The following FBXO40 variants were observed in gnomAD, a reference collection of about 807,000 sequenced individuals.
FBXO40 encodes the protein F-box protein 40.
In FBXO40, 50 loss-of-function variants were observed where a neutral mutation model predicts 49.9. That is an observed-to-expected ratio of 1.00 (90% CI 0.80 to 1.27). The LOEUF (loss-of-function observed/expected upper bound fraction) is 1.27. Among genes scored for constraint, FBXO40 ranks in the 50% most tolerant of loss-of-function variants. FBXO40 has a pLI of 0.00. For synonymous variants in FBXO40, 340 were observed against 320.2 expected (o/e 1.06, Z -0.66); for missense variants, 895 against 870.1 (o/e 1.03, Z -0.36).
intron 3 of FBXO40, among the ~76,000 whole-genome samples, chr3:121,625,833 T>C (rs991374067): frequency 1.3e-5 from 2 of 152,170 alleles, no homozygotes; most frequent in African/African-American, 2.4e-5. Flanking sequence ...AAAAAACCAC[T>C]TTTCCTACAT....
intron 1 of FBXO40, among the ~76,000 whole-genome samples, chr3:121,615,988 GC>G (rs1225536807): frequency 6.6e-6 from 1 of 152,022 alleles, no homozygotes. Flanking sequence ...CTTCTCTAAG[GC>G]CCCACAGCCA....
intron 1 of FBXO40, among the ~76,000 whole-genome samples, chr3:121,596,936 G>A (rs1312471331): frequency 6.6e-6 from 1 of 152,140 alleles, no homozygotes; most frequent in African/African-American, 2.4e-5. Flanking sequence ...GAGTGCTGGG[G>A]GCAGTGTTTG....
rs149191160 is a variant in FBXO40 at position 121,622,620 on chromosome 3, G to C, written c.1191G>C (p.Lys397Asn). The C allele has an allele frequency of 4.2e-5, 68 of 1,614,152 alleles. No individual in the cohort carries two copies. Among genetic ancestry groups the C allele is most frequent in the Non-Finnish European group, 5.6e-5 (66 of 1,180,040 alleles). Residue 397 changes from lysine (K) to asparagine (N), a missense_variant, in exon 3 of 4, where the codon AAG (lysine) becomes AAC (asparagine). Transcript: ENST00000338040. The stretch of plus-strand genomic sequence containing the variant: ...ACCTGCCCAAATCAGATCTCATCAA[G>C]ACCACCCTCCAGTGTGCTTTGGAAA... The part of the protein sequence containing the change: ...VEDLPKSDLI[K>N]TTLQCALERE...
At chr3:121,625,931 G>A (rs2049059547) in intron 3 of FBXO40, among the ~76,000 whole-genome samples, 1 of 152,210 alleles carries the variant, frequency 6.6e-6, no homozygotes, top group African/African-American at 2.4e-5. Flanking sequence ...CTTGAAAACG[G>A]TGACTTTGCC....
At chr3:121,611,833 C>T (rs1321163000) in intron 1 of FBXO40, among the ~76,000 whole-genome samples, 1 of 152,216 alleles carries the variant, frequency 6.6e-6, no homozygotes, top group Non-Finnish European at 1.5e-5. Context: ...TAGAGAATGG[C>T]GATGACCTTT....
intron 1 of FBXO40, among the ~76,000 whole-genome samples, chr3:121,600,671 A>G (rs995881759): frequency 6.6e-6 from 1 of 152,216 alleles, no homozygotes; most frequent in Non-Finnish European, 1.5e-5. Context: ...AGTGTGATGT[A>G]GCAAAGAGTA....
At chr3:121,602,376 T>G (rs1245576410) in intron 1 of FBXO40, among the ~76,000 whole-genome samples, 1 of 152,200 alleles carries the variant, frequency 6.6e-6, no homozygotes, top group African/African-American at 2.4e-5. Context: ...TGTATTAAAC[T>G]TTCAGGACCC....
At position 121,627,042 on chromosome 3, in the gene FBXO40, C is replaced by A. The variant is rs1006061795; in HGVS notation, c.*132C>A. 1.3e-6 allele frequency: 1 copy of A among 763,752 alleles called. No individual in the cohort carries two copies. Among genetic ancestry groups the A allele is most frequent in the Non-Finnish European group, 2.1e-6 (1 of 467,378 alleles). 47.3% of individuals were successfully genotyped at this position (763,752 alleles called of 1,614,324 possible). A position where few individuals can be genotyped will look rare whatever the true frequency, so the allele number is the denominator to read the frequency against. The stretch of plus-strand genomic sequence containing the variant: ...GCTTATCGGGGTGTATTGGAACACG[C>A]AATGTCCTTCGAAACCTCAACACGA... On this transcript the variant is annotated 3_prime_UTR_variant, in exon 4 of 4. Transcript: ENST00000338040.
intron 3 of FBXO40, among the ~76,000 whole-genome samples, chr3:121,626,452 A>G (rs902482677): frequency 1.3e-5 from 2 of 152,168 alleles, no homozygotes; most frequent in Non-Finnish European, 2.9e-5. Context: ...GTGTGTGTCA[A>G]TATGCTGATT....
chr3:121,625,942 A>T (rs1277610189), intron 3 of FBXO40, among the ~76,000 whole-genome samples: 1 of 152,236 alleles, frequency 6.6e-6, no homozygotes, highest in Admixed American at 6.5e-5. Flanking sequence ...TGACTTTGCC[A>T]TCACATCCCA....
rs2049073864 is a variant in FBXO40 at position 121,628,234 on chromosome 3, T to A, written c.*1324T>A. On this transcript the variant is annotated 3_prime_UTR_variant, in exon 4 of 4. Transcript: ENST00000338040. ...TCTTGTTGCCCAGGCTGGAGCGCAA[T>A]GACATGATCTCGGCTCACCGCAACC... The A allele has an allele frequency of 4.9e-6, 1 of 205,980 alleles. No homozygotes were observed. 12.8% of individuals were successfully genotyped at this position (205,980 alleles called of 1,614,324 possible). A position where few individuals can be genotyped will look rare whatever the true frequency, so the allele number is the denominator to read the frequency against.
chr3:121,595,840 T>C (rs2048868481), intron 1 of FBXO40, among the ~76,000 whole-genome samples: 1 of 152,082 alleles, frequency 6.6e-6, no homozygotes, highest in African/African-American at 2.4e-5. Context: ...AGGTTAAGAG[T>C]TAAAAAATCT....
chr3:121,620,005 G>A (rs2049021363), intron 1 of FBXO40, among the ~76,000 whole-genome samples: 1 of 152,154 alleles, frequency 6.6e-6, no homozygotes, highest in African/African-American at 2.4e-5. Flanking sequence ...GGACCTTTGG[G>A]GTTTTGACCC....
chr3:121,623,265 A>G lies in FBXO40; in HGVS notation c.1836A>G (p.Gln612=), dbSNP rs745742906. ...GGAATATCTGTGCCACTTTGTTACA[A>G]GAGAGAGGAATGGTCCTTTTGCAAT... ...LMRNICATLL[Q]ERGMVLLQWK... The change falls in exon 3 of 4, where the codon CAA becomes CAG. Residue 612 remains glutamine, a synonymous_variant. Transcript: ENST00000338040. The G allele has an allele frequency of 1.2e-6, 2 of 1,614,184 alleles. No homozygotes were observed. Among genetic ancestry groups the G allele is most frequent in the African/African-American group, 2.7e-5 (2 of 75,048 alleles).
chr3:121,598,307 G>GA (rs1478633637), intron 1 of FBXO40, among the ~76,000 whole-genome samples: 1 of 152,246 alleles, frequency 6.6e-6, no homozygotes, highest in African/African-American at 2.4e-5. Context: ...AAGGACTTCA[G>GA]AGTTTATTTC....
At chr3:121,599,519 A>G (rs1299891855) in intron 1 of FBXO40, among the ~76,000 whole-genome samples, 1 of 150,890 alleles carries the variant, frequency 6.6e-6, no homozygotes, top group Non-Finnish European at 1.5e-5. Context: ...TAAAAGGGAA[A>G]TGGCACCTGG....
Position 121,622,902 on chromosome 3 carries a change from C to T in FBXO40, c.1473C>T (p.His491=). Residue 491 remains histidine, a synonymous_variant, in exon 3 of 4, where the codon CAC becomes CAT. Transcript: ENST00000338040. The part of the protein sequence containing the change: ...KFFRRDEFPL[H]FKNVHTDIQS... The stretch of plus-strand genomic sequence containing the variant: ...TCAGGAGGGATGAGTTCCCCCTGCA[C>T]TTCAAGAATGTCCACACAGACATTC... The T allele has an allele frequency of 1.2e-6, 2 of 1,614,216 alleles. No homozygotes were observed. Among genetic ancestry groups the T allele is most frequent in the South Asian group, 2.2e-5 (2 of 91,076 alleles).
intron 1 of FBXO40, among the ~76,000 whole-genome samples, chr3:121,597,088 C>A (rs2048876519): frequency 6.6e-6 from 1 of 152,178 alleles, no homozygotes; most frequent in African/African-American, 2.4e-5. Context: ...ATCATTGGAA[C>A]CTCTCTCACC....
At chr3:121,607,106 A>T (rs2048935616) in intron 1 of FBXO40, among the ~76,000 whole-genome samples, 1 of 151,886 alleles carries the variant, frequency 6.6e-6, no homozygotes. Context: ...CTCTACTAAA[A>T]ATACAAAAAT....
Sources: allele counts gnomAD v4.1 joint callset (sites outside exome capture counted in the v4.1 genomes callset), GRCh38; gene constraint gnomAD v4.1.1; transcripts MANE v1.5; gene names NCBI Gene and HGNC (gene_info 2026-07-23, HGNC 2026-07-21).